Variants in LTBP1 observed in about 807,000 individuals in gnomAD.
LTBP1 encodes latent transforming growth factor beta binding protein 1.
In LTBP1, 129 loss-of-function variants were observed where a neutral mutation model predicts 207.6. That is an observed-to-expected ratio of 0.62 (90% CI 0.54 to 0.72). LTBP1 has a LOEUF of 0.72. Ranked by LOEUF, LTBP1 falls within the 30% of genes least tolerant of loss-of-function variation. The pLI, the probability that LTBP1 is intolerant of heterozygous loss-of-function variation, is 0.00. For missense variants in LTBP1, 2,281 were observed against 2,217.2 expected (o/e 1.03, Z -0.58); for synonymous variants, 963 against 833.7 (o/e 1.16, Z -2.67).
At chr2:33,276,151 T>C (rs2093422473) in intron 18 of LTBP1, among the ~76,000 whole-genome samples, 1 of 152,186 alleles carries the variant, frequency 6.6e-6, no homozygotes, top group Admixed American at 6.5e-5. Context: ...TCTGCCTCTC[T>C]GGTATTTGGA....
At chr2:33,373,472 C>T (rs2095096009) in intron 31 of LTBP1, among the ~76,000 whole-genome samples, 1 of 152,130 alleles carries the variant, frequency 6.6e-6, no homozygotes, top group Non-Finnish European at 1.5e-5. Context: ...TGTGAATAGG[C>T]ACTTAGTGAG....
intron 3 of LTBP1, among the ~76,000 whole-genome samples, chr2:33,036,378 T>C (rs1254235920): frequency 1.3e-5 from 2 of 152,224 alleles, no homozygotes; most frequent in Admixed American, 1.3e-4. Context: ...GTCAGTATAC[T>C]ACAATTTATC....
chr2:33,299,903 T>C (rs1047413065), intron 20 of LTBP1, among the ~76,000 whole-genome samples: 1 of 152,260 alleles, frequency 6.6e-6, no homozygotes, highest in African/African-American at 2.4e-5. Flanking sequence ...TATTCAGCAG[T>C]CATCATAATA....
At chr2:33,120,611 C>G (rs1158003839) in intron 4 of LTBP1, among the ~76,000 whole-genome samples, 1 of 152,062 alleles carries the variant, frequency 6.6e-6, no homozygotes, top group Non-Finnish European at 1.5e-5. Context: ...TAGGGTGATT[C>G]CATGTCTTTG....
At chr2:33,350,209 A>C (rs559748115) in intron 26 of LTBP1, among the ~76,000 whole-genome samples, 2 of 152,218 alleles carry the variant, frequency 1.3e-5, no homozygotes, top group South Asian at 4.1e-4. Context: ...GGGAAAGATA[A>C]ATTTCCAGTA....
chr2:33,012,372 G>A (rs1250739355), intron 2 of LTBP1, among the ~76,000 whole-genome samples: 2 of 152,202 alleles, frequency 1.3e-5, no homozygotes, highest in African/African-American at 2.4e-5. Context: ...GCAAGGAGGT[G>A]TGTAGTCACA....
intron 3 of LTBP1, among the ~76,000 whole-genome samples, chr2:33,043,013 T>G (rs2076264810): frequency 6.6e-6 from 1 of 152,182 alleles, no homozygotes; most frequent in African/African-American, 2.4e-5. Context: ...CTACACAGTT[T>G]GTGTACATGA....
chr2:33,265,881 T>C (rs114313548), intron 15 of LTBP1, among the ~76,000 whole-genome samples: 1 of 152,232 alleles, frequency 6.6e-6, no homozygotes, highest in Admixed American at 6.5e-5. Flanking sequence ...AGGAGCTAAA[T>C]GGAAGAGTTT....
intron 22 of LTBP1, among the ~76,000 whole-genome samples, chr2:33,302,161 G>A (rs2093999025): frequency 6.6e-6 from 1 of 152,202 alleles, no homozygotes; most frequent in South Asian, 2.1e-4. Flanking sequence ...GTGGTTGGGT[G>A]ACTGAACCAG....
intron 31 of LTBP1, among the ~76,000 whole-genome samples, chr2:33,371,694 A>G (rs1333249598): frequency 6.6e-6 from 1 of 152,242 alleles, no homozygotes; most frequent in Non-Finnish European, 1.5e-5. Context: ...ACATAGCACA[A>G]TGCCTGGCAT....
chr2:33,373,539 A>T (rs984736467), intron 31 of LTBP1, among the ~76,000 whole-genome samples: 2 of 152,204 alleles, frequency 1.3e-5, no homozygotes, highest in African/African-American at 4.8e-5. Context: ...AGAAAGGTAG[A>T]CTGTGCTATA....
In LTBP1 at chr2:33,183,013, C is replaced by T. The variant is rs1003634493; in HGVS notation, c.1202-3843C>T. 3.3e-5 allele frequency among the ~76,000 whole-genome samples: 5 copies of T among 152,026 alleles called. No individual in the cohort carries two copies. In the East Asian group the frequency reaches 7.7e-4, roughly 24 times the overall value. On this transcript the variant is annotated intron_variant, in intron 5 of 33. Coordinates refer to ENST00000404816, the MANE Select transcript of LTBP1 (RefSeq NM_206943.4). ...AAATGTTTCATTTCTTTGAGTAAAA[C>T]TTGGGAATAATTTCAACATGTTTGC...
At chr2:33,209,148 C>A (rs1019181454) in intron 7 of LTBP1, among the ~76,000 whole-genome samples, 14 of 152,234 alleles carry the variant, frequency 9.2e-5, no homozygotes, top group Admixed American at 2.6e-4. Flanking sequence ...GCTGGGATTA[C>A]AGGTGTGAGC....
At chr2:33,323,908 G>A (rs1424064424) in intron 24 of LTBP1, among the ~76,000 whole-genome samples, 1 of 152,056 alleles carries the variant, frequency 6.6e-6, no homozygotes, top group Admixed American at 6.5e-5. Flanking sequence ...AGTTATGCTG[G>A]TGAGTTTGGC....
intron 24 of LTBP1, among the ~76,000 whole-genome samples, chr2:33,334,967 T>C (rs2094538560): frequency 6.7e-6 from 1 of 150,168 alleles, no homozygotes; most frequent in Non-Finnish European, 1.5e-5. Context: ...TGGTCCCAGC[T>C]ATTTGAGAGG....
At chr2:33,152,428 G>A (rs980539726) in intron 5 of LTBP1, among the ~76,000 whole-genome samples, 29 of 152,150 alleles carry the variant, frequency 1.9e-4, no homozygotes, top group Admixed American at 1.3e-4. Flanking sequence ...AGATGTTGGC[G>A]TGGATGTGGT....
chr2:33,332,394 AAAAAGAG>A (rs1302512252), intron 24 of LTBP1, among the ~76,000 whole-genome samples: 2,090 of 142,300 alleles, frequency 0.015, 49 homozygotes, highest in Non-Finnish European at 0.025. Flanking sequence ...AAAAAAAAAA[AAAAAGAG>A]AGAGAGAGAC....
At chr2:33,086,614 C>T (rs2078767557) in intron 3 of LTBP1, among the ~76,000 whole-genome samples, 1 of 152,228 alleles carries the variant, frequency 6.6e-6, no homozygotes, top group Non-Finnish European at 1.5e-5. Flanking sequence ...CTAGTGAACA[C>T]AGGGTTCAGC....
chr2:33,184,781 GT>G (rs34063170), intron 5 of LTBP1, among the ~76,000 whole-genome samples: 118,567 of 136,454 alleles, frequency 0.87, 51,961 homozygotes, highest in South Asian at 0.96. Context: ...AGTATTTTCT[GT>G]TTTTTTTTTT....
Sources: gnomAD v4.1 joint callset for allele counts (sites outside exome capture counted in the v4.1 genomes callset) on GRCh38, gnomAD v4.1.1 for gene constraint, MANE v1.5 for transcripts, NCBI Gene and HGNC (gene_info 2026-07-23, HGNC 2026-07-21) for gene names.